PITRM1: variants seen among roughly 807,000 people sequenced by gnomAD.
The protein encoded by PITRM1 is pitrilysin metallopeptidase 1.
In PITRM1, 100 loss-of-function variants were observed where a neutral mutation model predicts 129.9. The observed-to-expected ratio is 0.77, with a 90% CI of 0.65 to 0.91. The LOEUF (loss-of-function observed/expected upper bound fraction) is 0.91, where lower values mean the gene tolerates loss of function less well. Ranked by LOEUF, PITRM1 falls within the 40% of genes least tolerant of loss-of-function variation. The probability of loss-of-function intolerance (pLI) is 0.00; values close to 1 mark genes in which losing one functional copy is unlikely to be tolerated. For missense variants in PITRM1, 1,471 were observed against 1,318.3 expected (o/e 1.12, Z -1.79); for synonymous variants, 591 against 508.8 (o/e 1.16, Z -2.17).
chr10:3,142,832 G>A (rs2131822543), intron 23 of PITRM1: 1 of 154,750 alleles, frequency 6.5e-6, no homozygotes, highest in African/African-American at 2.4e-5. Context: ...GGGCTCTGCA[G>A]GACCACCTGG....
At chr10:3,163,394 C>G (rs1285728906) in intron 7 of PITRM1, 1 of 170,230 alleles carries the variant, frequency 5.9e-6, no homozygotes, top group Non-Finnish European at 1.2e-5. Context: ...GCTTCACACC[C>G]CGTGTCAAGG....
intron 9 of PITRM1, 34 bp from the exon 10 acceptor site, chr10:3,159,076 A>G (rs780566218): frequency 1.3e-6 from 2 of 1,584,330 alleles, no homozygotes; most frequent in South Asian, 1.2e-5. Flanking sequence ...GGGAGGTAAG[A>G]AAAGAGTAAA....
chr10:3,159,948 CG>C lies in PITRM1; in HGVS notation c.919-13del. On this transcript the variant is annotated splice_polypyrimidine_tract_variant and intron_variant, in intron 8 of 26. Transcript: ENST00000224949. ...ATCTGGAATTCCCTCTGTAAAATGA[CG>C]TGACGTTGTGAGTAGGCACAGTGTC... 4 of 1,572,466 alleles carry C rather than the reference CG, an allele frequency of 2.5e-6. No individual in the cohort carries two copies. Among genetic ancestry groups the C allele is most frequent in the Non-Finnish European group, 3.5e-6 (4 of 1,152,484 alleles).
At chr10:3,160,396 G>C in intron 7 of PITRM1, 66 bp from the exon 8 acceptor site, 1 of 1,340,404 alleles carries the variant, frequency 7.5e-7, no homozygotes, top group African/African-American at 1.4e-5. Flanking sequence ...AGTGCTGTCT[G>C]TTTCACTGAA....
chr10:3,172,652 G>C, intron 1 of PITRM1, 65 bp downstream of exon 1: 2 of 1,432,286 alleles, frequency 1.4e-6, no homozygotes, highest in Non-Finnish European at 1.9e-6. Context: ...TACGCCTCCG[G>C]CCTGCCCTGG....
chr10:3,139,489 C>T (rs114386376), intron 24 of PITRM1, among the ~76,000 whole-genome samples: 1,763 of 151,990 alleles, frequency 0.012, 39 homozygotes, highest in African/African-American at 0.041. Flanking sequence ...TCCAGACTTC[C>T]CTTCGTGTAA....
intron 14 of PITRM1, among the ~76,000 whole-genome samples, chr10:3,154,752 G>GT (rs1299892479): frequency 2.0e-5 from 3 of 152,052 alleles, no homozygotes; most frequent in Admixed American, 2.0e-4. Context: ...TTTTGCAAAT[G>GT]TTTTTTCCCA....
At chr10:3,158,512 T>C (rs569924829) in intron 10 of PITRM1, among the ~76,000 whole-genome samples, 1 of 152,216 alleles carries the variant, frequency 6.6e-6, no homozygotes, top group East Asian at 1.9e-4. Flanking sequence ...ATCGCGTCAC[T>C]GCACTCCAGC....
chr10:3,167,358 T>A (rs1287638865), intron 2 of PITRM1, among the ~76,000 whole-genome samples: 1 of 152,256 alleles, frequency 6.6e-6, no homozygotes, highest in Non-Finnish European at 1.5e-5. Context: ...TTTTATTTTT[T>A]AAATTTTTTA....
chr10:3,158,875 C>T, intron 10 of PITRM1, 39 bp downstream of exon 10: 3 of 1,599,634 alleles, frequency 1.9e-6, no homozygotes, highest in Non-Finnish European at 2.6e-6. Context: ...CTGCCCCCAA[C>T]CAATGAGAAC....
At chr10:3,142,579 A>G (rs1840358607) in intron 23 of PITRM1, among the ~76,000 whole-genome samples, 1 of 152,278 alleles carries the variant, frequency 6.6e-6, no homozygotes, top group Admixed American at 6.5e-5. Flanking sequence ...CAGTTTCCCC[A>G]GATGGGATGA....
intron 14 of PITRM1, among the ~76,000 whole-genome samples, chr10:3,153,782 C>T (rs1277283306): frequency 3.3e-5 from 5 of 152,208 alleles, no homozygotes; most frequent in African/African-American, 7.2e-5. Flanking sequence ...TTCCACCTAA[C>T]GTCCACTCTT....
chr10:3,149,233 G>A (rs767383566), intron 16 of PITRM1: 26 of 169,388 alleles, frequency 1.5e-4, no homozygotes, highest in Non-Finnish European at 3.0e-4. Flanking sequence ...TAGGGAGGAC[G>A]ACAGCAACTG....
At chr10:3,138,189 C>A (rs369043876) in intron 26 of PITRM1, 46 bp downstream of exon 26, 2 of 1,578,510 alleles carry the variant, frequency 1.3e-6, no homozygotes, top group East Asian at 2.2e-5. Flanking sequence ...AGAGTCAGCA[C>A]GAGGGCTTCC....
chr10:3,169,991 G>T (rs898152213), intron 2 of PITRM1, 113 bp downstream of exon 2: 5 of 693,612 alleles, frequency 7.2e-6, no homozygotes, highest in African/African-American at 1.8e-5. Context: ...CCAGGGCCTT[G>T]GGACACAAGG....
rs79011862 is a variant in PITRM1 at position 3,151,366 on chromosome 10, A to G, written c.1622-3T>C. On this transcript the variant is annotated splice_polypyrimidine_tract_variant and splice_region_variant and intron_variant, in intron 14 of 26. Coordinates refer to ENST00000224949, the MANE Select transcript of PITRM1 (RefSeq NM_014889.4). ...TTGTTGACTCCGTAATTCTAGACCTAAAAAAGAAACAAGAAAAAGGAATAT... is the reference window on the plus strand; with the variant it reads ...TTGTTGACTCCGTAATTCTAGACCTGAAAAAGAAACAAGAAAAAGGAATAT... 1.9e-5 allele frequency: 22 copies of G among 1,130,436 alleles called. No individual in the cohort carries two copies. Among genetic ancestry groups the G allele is most frequent in the Non-Finnish European group, 2.7e-5 (22 of 828,478 alleles). 70.0% of individuals were successfully genotyped at this position (1,130,436 alleles called of 1,614,324 possible).
In PITRM1 at chr10:3,166,924, T is replaced by C. The variant is rs754923030; in HGVS notation, c.266+12A>G. 8 of 1,480,484 alleles carry C rather than the reference T, an allele frequency of 5.4e-6. No homozygotes were observed. The highest frequency in any genetic ancestry group is 5.4e-5 in the Admixed American group (3 of 55,578). 91.7% of individuals were successfully genotyped at this position (1,480,484 alleles called of 1,614,324 possible). A position where few individuals can be genotyped will look rare whatever the true frequency, so the allele number is the denominator to read the frequency against. ...AACATTCAAGACCATGTTCTTACAATGCACCACACACCTGAACAGATTATT... is the reference window on the plus strand; with the variant it reads ...AACATTCAAGACCATGTTCTTACAACGCACCACACACCTGAACAGATTATT... On this transcript the variant is annotated intron_variant, in intron 3 of 26. Coordinates refer to ENST00000224949, the MANE Select transcript of PITRM1 (RefSeq NM_014889.4).
chr10:3,167,256 ATGTG>A (rs932408626), intron 2 of PITRM1, among the ~76,000 whole-genome samples: 3 of 138,324 alleles, frequency 2.2e-5, no homozygotes, highest in African/African-American at 5.3e-5. Context: ...AGATGAGAAT[ATGTG>A]TGTGTGTGTA....
chr10:3,143,107 T>C (rs1035010573), intron 23 of PITRM1: 4 of 413,922 alleles, frequency 9.7e-6, no homozygotes, highest in South Asian at 2.9e-5. Context: ...ATGGGGCATG[T>C]TGAAAGCAGT....
Sources: allele counts gnomAD v4.1 joint callset (sites outside exome capture counted in the v4.1 genomes callset), GRCh38; gene constraint gnomAD v4.1.1; transcripts MANE v1.5; gene names NCBI Gene and HGNC (gene_info 2026-07-23, HGNC 2026-07-21).